ZNF536: variants seen among roughly 807,000 people sequenced by gnomAD.
ZNF536 encodes the protein zinc finger protein 536.
ZNF536 carries 13 observed loss-of-function variants against 84.5 expected under a neutral mutation model. The ratio of observed to expected loss-of-function variants is 0.15; its 90% CI spans 0.10 to 0.24. The LOEUF (loss-of-function observed/expected upper bound fraction) is 0.24, where lower values mean the gene tolerates loss of function less well. Ranked by LOEUF, ZNF536 falls within the 10% of genes least tolerant of loss-of-function variation. The pLI is 1.00. For synonymous variants in ZNF536, 811 were observed against 742.5 expected (o/e 1.09, Z -1.50); for missense variants, 1,536 against 1,747.5 (o/e 0.88, Z 2.16).
intron 2 of ZNF536, among the ~76,000 whole-genome samples, chr19:30,491,800 G>T (rs905990428): frequency 6.6e-6 from 1 of 151,940 alleles, no homozygotes; most frequent in East Asian, 1.9e-4. Context: ...TGGGTCCCTT[G>T]GGGGAAACTC....
chr19:30,331,319 A>G (rs901592411), intron 2 of ZNF536, among the ~76,000 whole-genome samples: 5 of 150,438 alleles, frequency 3.3e-5, no homozygotes, highest in African/African-American at 7.4e-5. Flanking sequence ...AAAAAAAAAA[A>G]AAGAATATTA....
At chr19:30,422,844 TCCATCCATCCAA>T (rs1600669718) in intron 1 of ZNF536, among the ~76,000 whole-genome samples, 2 of 119,312 alleles carry the variant, frequency 1.7e-5, no homozygotes, top group South Asian at 6.5e-4. Context: ...CATTCATCCA[TCCATCCATCCAA>T]CCATCCATCC....
chr19:30,384,508 A>C (rs1325876109), intron 1 of ZNF536, among the ~76,000 whole-genome samples: 1 of 151,526 alleles, frequency 6.6e-6, no homozygotes, highest in Non-Finnish European at 1.5e-5. Context: ...CAAAGTGGAC[A>C]CCCAGTGCTT....
intron 2 of ZNF536, among the ~76,000 whole-genome samples, chr19:30,471,159 G>C (rs1205223297): frequency 1.3e-5 from 2 of 152,146 alleles, no homozygotes; most frequent in Non-Finnish European, 2.9e-5. Flanking sequence ...GGTTAGACTG[G>C]AGTTATGGGA....
At chr19:30,697,321 C>T (rs1418344881) in intron 1 of ZNF536, among the ~76,000 whole-genome samples, 1 of 152,226 alleles carries the variant, frequency 6.6e-6, no homozygotes, top group Non-Finnish European at 1.5e-5. Flanking sequence ...CAAACCATAT[C>T]ATCCAACAAA....
intron 2 of ZNF536, among the ~76,000 whole-genome samples, chr19:30,448,359 C>A (rs770149121): frequency 1.3e-5 from 2 of 151,750 alleles, no homozygotes; most frequent in East Asian, 1.9e-4. Flanking sequence ...TATAGAAGTG[C>A]GATTAAAATA....
intron 1 of ZNF536, among the ~76,000 whole-genome samples, chr19:30,589,539 G>A (rs991345750): frequency 1.3e-5 from 2 of 152,206 alleles, no homozygotes; most frequent in African/African-American, 4.8e-5. Context: ...CTCAGGTTAT[G>A]GATGTTTGAG....
chr19:30,276,481 A>G (rs1031187332), intron 1 of ZNF536, among the ~76,000 whole-genome samples: 2 of 152,242 alleles, frequency 1.3e-5, no homozygotes, highest in African/African-American at 4.8e-5. Context: ...CAAAATGCTC[A>G]GCCCTGCCTT....
intron 3 of ZNF536, among the ~76,000 whole-genome samples, chr19:30,537,428 T>C (rs2045132558): frequency 6.6e-6 from 1 of 152,150 alleles, no homozygotes; most frequent in South Asian, 2.1e-4. Flanking sequence ...TCTTGTGTAT[T>C]TCATGTCGAC....
At chr19:30,384,617 G>A (rs1248194825) in intron 1 of ZNF536, among the ~76,000 whole-genome samples, 1 of 151,830 alleles carries the variant, frequency 6.6e-6, no homozygotes, top group Non-Finnish European at 1.5e-5. Flanking sequence ...TTCCTGCATT[G>A]GATGGAAACC....
chr19:30,698,350 A>G (rs565462541), intron 1 of ZNF536, among the ~76,000 whole-genome samples: 3 of 152,200 alleles, frequency 2.0e-5, no homozygotes, highest in African/African-American at 7.2e-5. Context: ...TTTCACCGCC[A>G]TTTCCCACTA....
intron 3 of ZNF536, among the ~76,000 whole-genome samples, chr19:30,535,328 C>T (rs1358011168): frequency 6.6e-6 from 1 of 152,168 alleles, no homozygotes; most frequent in Admixed American, 6.5e-5. Context: ...CCCCAGGCGC[C>T]TGTATGAACC....
intron 1 of ZNF536, among the ~76,000 whole-genome samples, chr19:30,261,223 G>C (rs1490827997): frequency 6.8e-6 from 1 of 146,662 alleles, no homozygotes; most frequent in Non-Finnish European, 1.5e-5. Context: ...GCGTGAACCC[G>C]GGAGGCGGAG....
chr19:30,505,488 A>G (rs1389431142), intron 2 of ZNF536, among the ~76,000 whole-genome samples: 1 of 149,020 alleles, frequency 6.7e-6, no homozygotes, highest in Non-Finnish European at 1.5e-5. Context: ...TTATTAATCT[A>G]TATATAATAT....
intron 1 of ZNF536, among the ~76,000 whole-genome samples, chr19:30,674,309 T>C (rs1228785882): frequency 6.6e-6 from 1 of 152,332 alleles, no homozygotes; most frequent in East Asian, 1.9e-4. Context: ...CCATGCACCC[T>C]GTGCCCAGGC....
At chr19:30,612,053 G>C (rs2048123333) in intron 1 of ZNF536, among the ~76,000 whole-genome samples, 1 of 152,174 alleles carries the variant, frequency 6.6e-6, no homozygotes, top group South Asian at 2.1e-4. Flanking sequence ...GATGGGTCTT[G>C]TGTCCTCTGT....
At chr19:30,322,183 C>T (rs1369167389) in intron 2 of ZNF536, among the ~76,000 whole-genome samples, 1 of 152,164 alleles carries the variant, frequency 6.6e-6, no homozygotes, top group African/African-American at 2.4e-5. Flanking sequence ...TTGCCAAATT[C>T]CCATTGAGTT....
intron 2 of ZNF536, among the ~76,000 whole-genome samples, chr19:30,299,919 G>T (rs2046123982): frequency 6.6e-6 from 1 of 152,020 alleles, no homozygotes; most frequent in African/African-American, 2.4e-5. Context: ...ATCATAAAAT[G>T]CCTAATCTAA....
intron 2 of ZNF536, among the ~76,000 whole-genome samples, chr19:30,515,400 G>A (rs752653404): frequency 6.6e-6 from 1 of 152,184 alleles, no homozygotes; most frequent in Admixed American, 6.5e-5. Context: ...TTTATGATAA[G>A]AGTTCAGATT....
Sources: gnomAD v4.1 joint callset for allele counts (sites outside exome capture counted in the v4.1 genomes callset) on GRCh38, gnomAD v4.1.1 for gene constraint, MANE v1.5 for transcripts, NCBI Gene and HGNC (gene_info 2026-07-23, HGNC 2026-07-21) for gene names.